The following LY96 variants were observed in gnomAD, a reference collection of about 807,000 sequenced individuals.
LY96 encodes myeloid differentiation protein-2.
A neutral mutation model predicts 18.9 loss-of-function variants in LY96; 18 were observed. The ratio of observed to expected loss-of-function variants is 0.95; its 90% CI spans 0.66 to 1.41. The LOEUF (loss-of-function observed/expected upper bound fraction) is 1.41. Ranked by LOEUF, LY96 falls within the 40% of genes most tolerant of loss-of-function variation. LY96 has a pLI of 0.00. For synonymous variants in LY96, 66 were observed against 62.6 expected (o/e 1.06, Z -0.26); for missense variants, 175 against 182.4 (o/e 0.96, Z 0.23).
At chr8:74,025,965 G>A (rs969626248) in intron 3 of LY96, among the ~76,000 whole-genome samples, 3 of 152,108 alleles carry the variant, frequency 2.0e-5, no homozygotes, top group African/African-American at 7.2e-5. Context: ...CTGAGATCAC[G>A]CCATTGTACT....
intron 2 of LY96, among the ~76,000 whole-genome samples, chr8:74,006,679 C>T (rs1340724020): frequency 1.3e-5 from 2 of 152,178 alleles, no homozygotes; most frequent in Non-Finnish European, 1.5e-5. Flanking sequence ...TAAAGTTTTG[C>T]TTGGCTAAGG....
the LY96 span, among the ~76,000 whole-genome samples, chr8:74,055,406 G>A: frequency 6.6e-6 from 1 of 152,092 alleles, no homozygotes; most frequent in Non-Finnish European, 1.5e-5. Context: ...AGTTATTTAA[G>A]CTTTTTTCCT....
chr8:74,087,812 G>A, the LY96 span, among the ~76,000 whole-genome samples: 1 of 152,152 alleles, frequency 6.6e-6, no homozygotes, highest in Non-Finnish European at 1.5e-5. Context: ...TCCTCACCTT[G>A]CTATAAACAT....
the LY96 span, among the ~76,000 whole-genome samples, chr8:74,077,301 C>T: frequency 2.6e-5 from 4 of 152,150 alleles, no homozygotes; most frequent in Non-Finnish European, 4.4e-5. Context: ...TCTAAACAGG[C>T]GCTTTATGAA....
the LY96 span, among the ~76,000 whole-genome samples, chr8:74,090,040 G>C: frequency 1.3e-5 from 2 of 152,140 alleles, no homozygotes; most frequent in Admixed American, 1.3e-4. Flanking sequence ...TTTTGGATGA[G>C]ATGGAAGCTT....
At chr8:74,007,025 A>C (rs1051361205) in intron 2 of LY96, among the ~76,000 whole-genome samples, 2 of 152,234 alleles carry the variant, frequency 1.3e-5, no homozygotes, top group African/African-American at 4.8e-5. Context: ...CTTTGAAAAG[A>C]GAGTAGGGAG....
the LY96 span, among the ~76,000 whole-genome samples, chr8:74,070,976 T>A: frequency 6.6e-6 from 1 of 152,160 alleles, no homozygotes; most frequent in Non-Finnish European, 1.5e-5. Flanking sequence ...TTTTACTACA[T>A]AATTAAAGCA....
At chr8:74,040,816 C>T in the LY96 span, among the ~76,000 whole-genome samples, 11 of 151,226 alleles carry the variant, frequency 7.3e-5, 1 homozygote, top group African/African-American at 2.7e-4. Flanking sequence ...AATTCTCCTG[C>T]CTCAGCCTCC....
rs764404306 is a variant in LY96, at chr8:74,006,198, CTCTT to C, written c.202+1315_202+1318del. On this transcript the variant is annotated intron_variant, in intron 2 of 4. Coordinates refer to ENST00000284818, the MANE Select transcript of LY96 (RefSeq NM_015364.5). Reference sequence around the variant, plus strand: ...CATTGATAAGATATTCTCTCTCTCTCTCTTTTTTTCTTTTGAGATGGAGTCTCTG... The same window carrying C: ...CATTGATAAGATATTCTCTCTCTCTCTTTTTCTTTTGAGATGGAGTCTCTG... Among the ~76,000 whole-genome samples the C allele has an allele frequency of 7.2e-5, 11 of 152,164 alleles. No homozygotes were observed. The East Asian group carries it at 1.2e-3, about 16-fold the overall frequency.
chr8:74,034,373 T>TA, the LY96 span, among the ~76,000 whole-genome samples: 126 of 145,530 alleles, frequency 8.7e-4, no homozygotes, highest in Admixed American at 2.6e-3. Context: ...CTCTGTGCCT[T>TA]AAAAAAAAAA....
At chr8:74,000,296 A>G (rs867296385) in intron 1 of LY96, among the ~76,000 whole-genome samples, 1 of 148,106 alleles carries the variant, frequency 6.8e-6, no homozygotes, top group African/African-American at 2.5e-5. Flanking sequence ...CCTTGCTCTT[A>G]AGTTCCATTT....
the LY96 span, among the ~76,000 whole-genome samples, chr8:74,066,522 G>A: frequency 6.6e-6 from 1 of 152,096 alleles, no homozygotes; most frequent in Non-Finnish European, 1.5e-5. Flanking sequence ...AGGGAAGCAG[G>A]TATGCATATG....
intron 1 of LY96, among the ~76,000 whole-genome samples, chr8:73,996,762 TGA>T (rs1485463738): frequency 2.0e-5 from 3 of 151,918 alleles, no homozygotes; most frequent in African/African-American, 4.8e-5. Context: ...TTTATTTTTT[TGA>T]GATGGGGTCT....
chr8:74,096,129 C>G, the LY96 span, among the ~76,000 whole-genome samples: 1 of 152,210 alleles, frequency 6.6e-6, no homozygotes, highest in African/African-American at 2.4e-5. Flanking sequence ...CCACTTCTTA[C>G]TATCTCCACT....
chr8:73,991,700 A>G (rs561108143), intron 1 of LY96, 146 bp downstream of exon 1: 62 of 627,452 alleles, frequency 9.9e-5, no homozygotes, highest in African/African-American at 7.0e-4. Flanking sequence ...AGGAAAAGCA[A>G]TAGCTGGCAG....
the LY96 span, among the ~76,000 whole-genome samples, chr8:74,078,118 A>G: frequency 1.3e-5 from 2 of 152,128 alleles, no homozygotes; most frequent in African/African-American, 4.8e-5. Flanking sequence ...AATAAAAAAA[A>G]AAAAAAAAGA....
chr8:74,061,399 T>G, the LY96 span, among the ~76,000 whole-genome samples: 1 of 152,204 alleles, frequency 6.6e-6, no homozygotes, highest in Non-Finnish European at 1.5e-5. Flanking sequence ...AGACACCAGA[T>G]GTTCACTTTG....
chr8:74,048,411 G>T, the LY96 span, among the ~76,000 whole-genome samples: 1 of 152,090 alleles, frequency 6.6e-6, no homozygotes, highest in African/African-American at 2.4e-5. Flanking sequence ...ACAGGCATCT[G>T]CCACCATGCC....
downstream of LY96, among the ~76,000 whole-genome samples, chr8:74,029,625 C>T (rs1280775747): frequency 6.6e-6 from 1 of 152,160 alleles, no homozygotes; most frequent in African/African-American, 2.4e-5. Context: ...CTCCCCAGCC[C>T]TGCAGAGCCG....
Sources: gnomAD v4.1 joint callset for allele counts (sites outside exome capture counted in the v4.1 genomes callset) on GRCh38, gnomAD v4.1.1 for gene constraint, MANE v1.5 for transcripts, NCBI Gene and HGNC (gene_info 2026-07-23, HGNC 2026-07-21) for gene names.